The following CACNA2D1 variants were observed in gnomAD, a reference collection of about 807,000 sequenced individuals.
CACNA2D1 encodes the protein calcium voltage-gated channel auxiliary subunit alpha2delta 1, also known as voltage-dependent calcium channel subunit alpha-2/delta-1.
In CACNA2D1, 53 loss-of-function variants were observed where a neutral mutation model predicts 171.5. The observed-to-expected ratio is 0.31, with a 90% confidence interval of 0.25 to 0.39. The LOEUF (loss-of-function observed/expected upper bound fraction) is 0.39. CACNA2D1 is among the 10% of genes least tolerant of loss of function. The pLI is 1.00. For synonymous variants in CACNA2D1, 442 were observed against 443.1 expected, an observed-to-expected ratio of 1.00 and a Z score of 0.03; for missense variants, 903 against 1,299.8, an observed-to-expected ratio of 0.69 and a Z score of 4.69.
chr7:82,403,537 T>C (rs1585834970), intron 1 of CACNA2D1, among the ~76,000 whole-genome samples: 1 of 152,170 alleles, frequency 6.6e-6, no homozygotes, highest in South Asian at 2.1e-4. Context: ...CAAAATCATG[T>C]AGCAATCCCC....
At chr7:82,292,737 A>C (rs2129417494) in intron 3 of CACNA2D1, among the ~76,000 whole-genome samples, 1 of 152,104 alleles carries the variant, frequency 6.6e-6, no homozygotes, top group South Asian at 2.1e-4. Context: ...CCTGTTCATT[A>C]TTTCACTTCC....
intron 10 of CACNA2D1, among the ~76,000 whole-genome samples, chr7:82,056,505 T>C (rs1326530091): frequency 1.3e-5 from 2 of 152,096 alleles, no homozygotes; most frequent in Non-Finnish European, 2.9e-5. Context: ...ATGTGTCAAC[T>C]GTACTGCTTG....
At chr7:82,429,412 G>A (rs1324070783) in intron 1 of CACNA2D1, among the ~76,000 whole-genome samples, 2 of 152,206 alleles carry the variant, frequency 1.3e-5, no homozygotes, top group South Asian at 2.1e-4. Flanking sequence ...AAAAAAAATC[G>A]ATTCTGAGTA....
At chr7:82,377,049 C>A (rs1823095609) in intron 1 of CACNA2D1, among the ~76,000 whole-genome samples, 1 of 152,132 alleles carries the variant, frequency 6.6e-6, no homozygotes, top group Non-Finnish European at 1.5e-5. Context: ...TCTTGTGCAT[C>A]ATGTTAAAGG....
intron 1 of CACNA2D1, among the ~76,000 whole-genome samples, chr7:82,376,899 G>T (rs1267250146): frequency 6.6e-6 from 1 of 152,168 alleles, no homozygotes; most frequent in African/African-American, 2.4e-5. Context: ...GAAATGGAGG[G>T]TTATTAATTC....
chr7:82,275,824 A>G (rs1809247153), intron 3 of CACNA2D1, among the ~76,000 whole-genome samples: 1 of 152,192 alleles, frequency 6.6e-6, no homozygotes, highest in South Asian at 2.1e-4. Flanking sequence ...GACAGACAAT[A>G]TAGTTAATGA....
intron 1 of CACNA2D1, among the ~76,000 whole-genome samples, chr7:82,425,849 C>A (rs931291945): frequency 6.7e-6 from 1 of 149,846 alleles, no homozygotes; most frequent in Non-Finnish European, 1.5e-5. Flanking sequence ...CTGTTTGGGG[C>A]TGGGCGTGGT....
intron 21 of CACNA2D1, among the ~76,000 whole-genome samples, chr7:81,987,436 G>C (rs1797086035): frequency 6.6e-6 from 1 of 152,128 alleles, no homozygotes; most frequent in Non-Finnish European, 1.5e-5. Flanking sequence ...ACTGAGTTAA[G>C]TGGACTATAA....
chr7:82,146,983 C>CAAAAAAAAAAAAAAAAA (rs764990586), intron 4 of CACNA2D1, among the ~76,000 whole-genome samples: 1 of 25,476 alleles, frequency 3.9e-5, no homozygotes, highest in Non-Finnish European at 6.1e-5. Flanking sequence ...ACTCCCATCT[C>CAAAAAAAAAAAAAAAAA]AAAAAAAAAA....
chr7:82,150,505 C>A (rs1184404339), intron 4 of CACNA2D1, among the ~76,000 whole-genome samples: 1 of 151,280 alleles, frequency 6.6e-6, no homozygotes, highest in Non-Finnish European at 1.5e-5. Flanking sequence ...ACCTTTGCAT[C>A]ATTTTTTTTC....
intron 3 of CACNA2D1, among the ~76,000 whole-genome samples, chr7:82,332,808 T>C (rs1280086178): frequency 6.6e-6 from 1 of 152,168 alleles, no homozygotes; most frequent in Non-Finnish European, 1.5e-5. Context: ...AAGGCTTGCC[T>C]GGGCAACATA....
At chr7:82,196,770 T>C (rs960538814) in intron 3 of CACNA2D1, among the ~76,000 whole-genome samples, 3 of 151,662 alleles carry the variant, frequency 2.0e-5, no homozygotes, top group South Asian at 4.2e-4. Context: ...CGATTCAGGA[T>C]GAGAATAGTC....
intron 7 of CACNA2D1, among the ~76,000 whole-genome samples, chr7:82,079,142 A>G (rs1195774821): frequency 1.3e-5 from 2 of 152,142 alleles, no homozygotes; most frequent in African/African-American, 4.8e-5. Flanking sequence ...GTTTCTATGT[A>G]TTTTAAATAA....
chr7:82,051,494 G>A (rs1346508857), intron 10 of CACNA2D1, among the ~76,000 whole-genome samples: 1 of 152,072 alleles, frequency 6.6e-6, no homozygotes, highest in Non-Finnish European at 1.5e-5. Flanking sequence ...AAAAATCAAA[G>A]ACAGTATTTT....
intron 2 of CACNA2D1, among the ~76,000 whole-genome samples, chr7:82,345,668 C>A (rs1819159026): frequency 7.0e-6 from 1 of 142,328 alleles, no homozygotes; most frequent in African/African-American, 2.7e-5. Context: ...TTTGCCAGTG[C>A]AGTAGCTAAA....
At chr7:82,250,041 C>T (rs1189551491) in intron 3 of CACNA2D1, among the ~76,000 whole-genome samples, 1 of 152,150 alleles carries the variant, frequency 6.6e-6, no homozygotes, top group Non-Finnish European at 1.5e-5. Flanking sequence ...GAGGGTCTTC[C>T]CATGGTGAAG....
chr7:82,002,042 AAGAG>A (rs1209791097), intron 18 of CACNA2D1, among the ~76,000 whole-genome samples: 36 of 140,928 alleles, frequency 2.6e-4, no homozygotes, highest in South Asian at 4.4e-4. Flanking sequence ...AAAAAAAAAA[AAGAG>A]AGAGAGAGAG....
intron 24 of CACNA2D1, among the ~76,000 whole-genome samples, chr7:81,976,370 A>G (rs1471067441): frequency 2.6e-5 from 4 of 152,144 alleles, no homozygotes; most frequent in Non-Finnish European, 4.4e-5. Flanking sequence ...CTTCCTATCC[A>G]TGAGCATGGA....
chr7:82,140,011 G>A (rs1053752221), intron 4 of CACNA2D1, among the ~76,000 whole-genome samples: 2 of 150,886 alleles, frequency 1.3e-5, no homozygotes, highest in Non-Finnish European at 2.9e-5. Context: ...GGCTGGTTTC[G>A]AACTCCTGAC....
Sources: gnomAD v4.1 joint callset for allele counts (sites outside exome capture counted in the v4.1 genomes callset) on GRCh38, gnomAD v4.1.1 for gene constraint, MANE v1.5 for transcripts, NCBI Gene and HGNC (gene_info 2026-07-23, HGNC 2026-07-21) for gene names.